The following GLIS3 variants were observed in gnomAD, a reference collection of about 807,000 sequenced individuals.
GLIS3 encodes the protein GLIS family zinc finger 3, also known as zinc finger protein GLIS3.
GLIS3 carries 53 observed loss-of-function variants against 78.6 expected under a neutral mutation model. The ratio of observed to expected loss-of-function variants is 0.67; its 90% confidence interval spans 0.54 to 0.85. The LOEUF (loss-of-function observed/expected upper bound fraction) is 0.85, where lower values mean the gene tolerates loss of function less well. GLIS3 is among the 40% of genes least tolerant of loss of function. The pLI, the probability that GLIS3 is intolerant of heterozygous loss-of-function variation, is 0.00. For synonymous variants in GLIS3, 684 were observed against 509.9 expected, an observed-to-expected ratio of 1.34 and a Z score of -4.60; for missense variants, 1,703 against 1,231.1, an observed-to-expected ratio of 1.38 and a Z score of -5.74.
At chr9:3,995,302 T>G (rs1482674824) in intron 4 of GLIS3, among the ~76,000 whole-genome samples, 1 of 152,184 alleles carries the variant, frequency 6.6e-6, no homozygotes, top group Non-Finnish European at 1.5e-5. Flanking sequence ...TAAATTCATA[T>G]AGAGTTAATA....
chr9:4,213,429 C>A (rs1179306223), intron 2 of GLIS3, among the ~76,000 whole-genome samples: 1 of 152,170 alleles, frequency 6.6e-6, no homozygotes, highest in Admixed American at 6.5e-5. Flanking sequence ...TCTGTCTTGT[C>A]ACTAAACAAG....
At chr9:4,327,905 G>C (rs1398767562) in intron 2 of GLIS3, among the ~76,000 whole-genome samples, 1 of 152,204 alleles carries the variant, frequency 6.6e-6, no homozygotes. Context: ...CAGTTGAGCT[G>C]TCCAAGTTAA....
At chr9:4,173,425 C>G (rs1816544144) in intron 2 of GLIS3, among the ~76,000 whole-genome samples, 1 of 152,088 alleles carries the variant, frequency 6.6e-6, no homozygotes, top group African/African-American at 2.4e-5. Flanking sequence ...GTCTTCTTAT[C>G]ATCTTGTAAA....
intron 7 of GLIS3, among the ~76,000 whole-genome samples, chr9:3,893,606 A>T (rs1460057907): frequency 6.6e-6 from 1 of 152,214 alleles, no homozygotes; most frequent in African/African-American, 2.4e-5. Flanking sequence ...AACTCCTCCC[A>T]GTCAAAATTC....
chr9:4,381,272 T>C, the GLIS3 span, among the ~76,000 whole-genome samples: 1 of 152,174 alleles, frequency 6.6e-6, no homozygotes, highest in African/African-American at 2.4e-5. Flanking sequence ...GGATAGAAGA[T>C]GAGAAAGTAC....
At chr9:4,471,746 A>G in the GLIS3 span, among the ~76,000 whole-genome samples, 1 of 152,234 alleles carries the variant, frequency 6.6e-6, no homozygotes, top group Non-Finnish European at 1.5e-5. Flanking sequence ...AAAAGCCAAA[A>G]TTGACAAATG....
intron 4 of GLIS3, among the ~76,000 whole-genome samples, chr9:4,075,290 C>T (rs966248210): frequency 6.6e-6 from 1 of 151,738 alleles, no homozygotes; most frequent in South Asian, 2.1e-4. Context: ...ATATTCAGGC[C>T]GGGCGCGGTG....
intron 2 of GLIS3, among the ~76,000 whole-genome samples, chr9:4,207,751 G>A (rs897518829): frequency 6.6e-6 from 1 of 152,154 alleles, no homozygotes; most frequent in Non-Finnish European, 1.5e-5. Context: ...AGCAGATGGG[G>A]AACCCAGAAC....
At chr9:4,355,388 A>G in the GLIS3 span, among the ~76,000 whole-genome samples, 1 of 152,178 alleles carries the variant, frequency 6.6e-6, no homozygotes. Flanking sequence ...CATGGCTGAT[A>G]TCTTGTAGGT....
At chr9:4,447,301 C>T in the GLIS3 span, among the ~76,000 whole-genome samples, 1 of 152,084 alleles carries the variant, frequency 6.6e-6, no homozygotes, top group Non-Finnish European at 1.5e-5. Flanking sequence ...CCTGCCTTGG[C>T]CTCCTAAAGT....
At chr9:4,401,574 T>TC in the GLIS3 span, among the ~76,000 whole-genome samples, 1 of 148,870 alleles carries the variant, frequency 6.7e-6, no homozygotes, top group South Asian at 2.1e-4. Flanking sequence ...TTTCTTTCTT[T>TC]TTTTTTTTTT....
chr9:3,995,557 A>G (rs1348546711), intron 4 of GLIS3, among the ~76,000 whole-genome samples: 1 of 152,124 alleles, frequency 6.6e-6, no homozygotes, highest in Non-Finnish European at 1.5e-5. Context: ...ATTTTTTTAA[A>G]AAAGAAAAAT....
At chr9:4,374,454 CAACT>C in the GLIS3 span, among the ~76,000 whole-genome samples, 1 of 152,312 alleles carries the variant, frequency 6.6e-6, no homozygotes, top group African/African-American at 2.4e-5. Flanking sequence ...ATAGGATTTC[CAACT>C]AATTATTGGC....
chr9:4,466,531 A>T, the GLIS3 span, among the ~76,000 whole-genome samples: 1 of 152,134 alleles, frequency 6.6e-6, no homozygotes, highest in Non-Finnish European at 1.5e-5. Flanking sequence ...ATAGATATAA[A>T]ATTTTTTTAA....
intron 2 of GLIS3, among the ~76,000 whole-genome samples, chr9:4,232,685 A>G (rs1377288960): frequency 6.6e-6 from 1 of 152,234 alleles, no homozygotes; most frequent in African/African-American, 2.4e-5. Flanking sequence ...ATTATCAATA[A>G]AGGCTTCTGG....
chr9:3,949,736 T>G (rs1371793546), intron 4 of GLIS3, among the ~76,000 whole-genome samples: 1 of 152,166 alleles, frequency 6.6e-6, no homozygotes, highest in Non-Finnish European at 1.5e-5. Context: ...TTTGGAAAAA[T>G]AATAAATCAA....
At chr9:4,452,601 C>T in the GLIS3 span, among the ~76,000 whole-genome samples, 2 of 152,102 alleles carry the variant, frequency 1.3e-5, no homozygotes, top group African/African-American at 4.8e-5. Context: ...ACCTAGGAAT[C>T]CAACTTACAA....
At chr9:4,382,136 C>T in the GLIS3 span, among the ~76,000 whole-genome samples, 18 of 152,204 alleles carry the variant, frequency 1.2e-4, no homozygotes, top group African/African-American at 4.3e-4. Flanking sequence ...GCCCGTAATA[C>T]CAAAATCTGT....
intron 2 of GLIS3, among the ~76,000 whole-genome samples, chr9:4,332,493 G>A (rs980226009): frequency 6.6e-6 from 1 of 152,148 alleles, no homozygotes; most frequent in African/African-American, 2.4e-5. Context: ...ACTTACTTTT[G>A]TCTTCCTCTC....
Sources: allele counts gnomAD v4.1 joint callset (sites outside exome capture counted in the v4.1 genomes callset), GRCh38; gene constraint gnomAD v4.1.1; transcripts MANE v1.5; gene names NCBI Gene and HGNC (gene_info 2026-07-23, HGNC 2026-07-21).